CHODL: variants seen among roughly 807,000 people sequenced by gnomAD.
The protein encoded by CHODL is chondrolectin, also known as transmembrane protein MT75.
CHODL carries 29 observed loss-of-function variants against 34.5 expected under a neutral mutation model. The ratio of observed to expected loss-of-function variants is 0.84; its 90% confidence interval spans 0.63 to 1.15. The LOEUF (loss-of-function observed/expected upper bound fraction) is 1.15, where lower values mean the gene tolerates loss of function less well. Ranked by LOEUF, CHODL falls within the 50% of genes most tolerant of loss-of-function variation. The pLI, the probability that CHODL is intolerant of heterozygous loss-of-function variation, is 0.00. For synonymous variants in CHODL, 125 were observed against 116.1 expected, an observed-to-expected ratio of 1.08 and a Z score of -0.49; for missense variants, 332 against 332.5, an observed-to-expected ratio of 1.00 and a Z score of 0.01.
chr21:17,958,741 G>C (rs1375283674), intron 1 of CHODL, among the ~76,000 whole-genome samples: 1 of 152,184 alleles, frequency 6.6e-6, no homozygotes, highest in Non-Finnish European at 1.5e-5. Context: ...GGAGAGAGCA[G>C]TACAACAAAG....
chr21:18,199,663 A>G lies in CHODL; in HGVS notation c.-44-56846A>G, dbSNP rs180745196. ...TCTGCCAATCACTGAACTTTTTCCT[A>G]TAACTATGGTTTTGTCTATTACATA... On this transcript the variant is annotated intron_variant, in intron 2 of 6. Transcript: ENST00000400127. Among the ~76,000 whole-genome samples, 42 of 152,178 alleles carry G rather than the reference A, an allele frequency of 2.8e-4. No homozygotes were observed. In the East Asian group the frequency reaches 3.3e-3, roughly 12 times the overall value.
At chr21:18,004,312 A>G (rs2063939451) in intron 1 of CHODL, among the ~76,000 whole-genome samples, 1 of 152,250 alleles carries the variant, frequency 6.6e-6, no homozygotes, top group Non-Finnish European at 1.5e-5. Context: ...AGCACAAAGA[A>G]GGTTTTAGCC....
At chr21:18,117,044 A>G in intron 2 of CHODL, among the ~76,000 whole-genome samples, 1 of 152,338 alleles carries the variant, frequency 6.6e-6, no homozygotes, top group Non-Finnish European at 1.5e-5. Context: ...ATTAGCTGCC[A>G]TTGGGAATGG....
intron 1 of CHODL, among the ~76,000 whole-genome samples, chr21:17,965,087 A>G (rs535910238): frequency 2.0e-5 from 3 of 152,306 alleles, no homozygotes; most frequent in African/African-American, 4.8e-5. Flanking sequence ...AAGTTCATCT[A>G]CTTGATAATC....
chr21:18,044,465 T>G (rs1052661737), intron 2 of CHODL, among the ~76,000 whole-genome samples: 3 of 151,900 alleles, frequency 2.0e-5, no homozygotes, highest in African/African-American at 7.2e-5. Context: ...ACTGGCACAT[T>G]TTCCTGCTGT....
At chr21:18,204,807 T>A (rs1243015805) in intron 2 of CHODL, among the ~76,000 whole-genome samples, 1 of 152,138 alleles carries the variant, frequency 6.6e-6, no homozygotes, top group Non-Finnish European at 1.5e-5. Context: ...AACATAGATA[T>A]TCAATTTTTC....
chr21:18,030,966 A>G (rs1284379465), intron 2 of CHODL, among the ~76,000 whole-genome samples: 1 of 152,160 alleles, frequency 6.6e-6, no homozygotes, highest in Non-Finnish European at 1.5e-5. Flanking sequence ...CAAGGCATAG[A>G]TGTTTTATGA....
intron 2 of CHODL, among the ~76,000 whole-genome samples, chr21:18,120,812 T>C (rs2065470576): frequency 6.6e-6 from 1 of 152,116 alleles, no homozygotes; most frequent in South Asian, 2.1e-4. Flanking sequence ...CTATCATATG[T>C]AGAAAACCAA....
intron 2 of CHODL, among the ~76,000 whole-genome samples, chr21:18,172,008 T>G (rs79310473): frequency 0.021 from 3,177 of 152,278 alleles, 91 homozygotes; most frequent in African/African-American, 0.072. Context: ...TCCTCAAGAT[T>G]AGCCACATGT....
At chr21:18,215,273 G>T (rs1002481633) in intron 2 of CHODL, among the ~76,000 whole-genome samples, 4 of 151,730 alleles carry the variant, frequency 2.6e-5, no homozygotes, top group African/African-American at 9.7e-5. Context: ...ATAATCTTGT[G>T]CAGTCCAGGT....
At chr21:18,050,357 G>C (rs2064498388) in intron 2 of CHODL, among the ~76,000 whole-genome samples, 1 of 151,900 alleles carries the variant, frequency 6.6e-6, no homozygotes, top group Non-Finnish European at 1.5e-5. Context: ...GCATTATAAA[G>C]TCCTTGAACA....
At position 18,221,844 on chromosome 21, in the gene CHODL, G is replaced by T. The variant is rs75669040; in HGVS notation, c.-44-34665G>T. On this transcript the variant is annotated intron_variant, in intron 2 of 6. Coordinates refer to the CHODL transcript ENST00000400127. ...TGAGCAGGGTGCACAGACACCATTA[G>T]GGGCAGCAGGACAGTTGTGCCAGTC... Among the ~76,000 whole-genome samples, 109 of 152,336 alleles carry T rather than the reference G, an allele frequency of 7.2e-4. 1 individual carries two copies. The East Asian group carries it at 0.019, about 27-fold the overall frequency.
chr21:18,087,027 A>G (rs1459937469), intron 2 of CHODL, among the ~76,000 whole-genome samples: 2 of 152,152 alleles, frequency 1.3e-5, no homozygotes, highest in Admixed American at 1.3e-4. Context: ...CCCCAATCCT[A>G]CAGTGGCCTA....
chr21:18,017,136 C>T (rs158059), intron 1 of CHODL, among the ~76,000 whole-genome samples: 18 of 151,936 alleles, frequency 1.2e-4, no homozygotes, highest in Admixed American at 2.6e-4. Flanking sequence ...TAAGACTTTG[C>T]GGGATTGTTG....
intron 2 of CHODL, among the ~76,000 whole-genome samples, chr21:18,116,991 G>A (rs1345493070): frequency 6.6e-6 from 1 of 152,214 alleles, no homozygotes; most frequent in Non-Finnish European, 1.5e-5. Context: ...TCAGCAAGTA[G>A]TGACACTGAT....
At chr21:18,101,261 T>G (rs751552964) in intron 2 of CHODL, among the ~76,000 whole-genome samples, 1 of 152,182 alleles carries the variant, frequency 6.6e-6, no homozygotes, top group Non-Finnish European at 1.5e-5. Context: ...TCTGCCATGA[T>G]TGTGAGACCT....
At chr21:17,923,514 T>C (rs1480318971) in intron 1 of CHODL, among the ~76,000 whole-genome samples, 1 of 145,210 alleles carries the variant, frequency 6.9e-6, no homozygotes, top group Non-Finnish European at 1.5e-5. Context: ...CAGGCTGGAG[T>C]GTGGGGTCAC....
chr21:18,058,208 C>T (rs1318498179), intron 2 of CHODL, among the ~76,000 whole-genome samples: 1 of 151,992 alleles, frequency 6.6e-6, no homozygotes, highest in Non-Finnish European at 1.5e-5. Flanking sequence ...ATAACAAATA[C>T]TGGTGATGAT....
intron 2 of CHODL, among the ~76,000 whole-genome samples, chr21:18,131,229 G>A (rs560440647): frequency 6.6e-6 from 1 of 152,034 alleles, no homozygotes; most frequent in Admixed American, 6.6e-5. Flanking sequence ...AATAGTAAAG[G>A]GCCCTGCCTT....
Sources: gnomAD v4.1 joint callset for allele counts (sites outside exome capture counted in the v4.1 genomes callset) on GRCh38, gnomAD v4.1.1 for gene constraint, MANE v1.5 for transcripts, NCBI Gene and HGNC (gene_info 2026-07-23, HGNC 2026-07-21) for gene names.